ARRB1: variants seen among roughly 807,000 people sequenced by gnomAD.
The protein encoded by ARRB1 is beta-arrestin-1.
A neutral mutation model predicts 56.8 loss-of-function variants in ARRB1; 21 were observed. The ratio of observed to expected loss-of-function variants is 0.37; its 90% CI spans 0.26 to 0.53. The LOEUF is 0.53. ARRB1 is among the 20% of genes least tolerant of loss of function. The pLI is 0.88. For missense variants in ARRB1, 424 were observed against 553.7 expected, an observed-to-expected ratio of 0.77 and a Z score of 2.35; for synonymous variants, 210 against 218.6, an observed-to-expected ratio of 0.96 and a Z score of 0.35.
chr11:75,289,806 GA>G (rs943037412), intron 2 of ARRB1, among the ~76,000 whole-genome samples: 2 of 152,328 alleles, frequency 1.3e-5, no homozygotes, highest in African/African-American at 4.8e-5. Flanking sequence ...TCCCCACTCT[GA>G]AAGTTTCCTG....
intron 1 of ARRB1, among the ~76,000 whole-genome samples, chr11:75,329,094 T>A (rs1407742622): frequency 6.7e-6 from 1 of 149,108 alleles, no homozygotes; most frequent in Non-Finnish European, 1.5e-5. Flanking sequence ...GTAACTTTTT[T>A]TTTTTTTTTT....
At chr11:75,306,369 C>T (rs921409111) in intron 1 of ARRB1, among the ~76,000 whole-genome samples, 14 of 152,168 alleles carry the variant, frequency 9.2e-5, no homozygotes, top group African/African-American at 3.4e-4. Context: ...TAGACAAGTC[C>T]CAAACAGCCT....
intron 1 of ARRB1, among the ~76,000 whole-genome samples, chr11:75,301,389 C>T (rs1379597436): frequency 6.6e-6 from 1 of 152,220 alleles, no homozygotes; most frequent in African/African-American, 2.4e-5. Flanking sequence ...CACGGAGCAC[C>T]TCTATGTGAG....
In ARRB1 at chr11:75,287,334, G is replaced by T. The variant is rs768558924; in HGVS notation, c.93C>A (p.Ile31=). Reference sequence around the variant, plus strand: ...ACTCACCCACAGGGTCCACGAGGTCGATGTGGTCCACAAAGTCCCGCTTTC... The same window carrying T: ...ACTCACCCACAGGGTCCACGAGGTCTATGTGGTCCACAAAGTCCCGCTTTC... ...YLGKRDFVDH[I]DLVDPVDGVV... is the part of the protein sequence containing the mutation. Residue 31 remains isoleucine (I), a synonymous_variant, in exon 3 of 16, where the codon ATC becomes ATA. Coordinates refer to ENST00000420843, the MANE Select transcript of ARRB1 (RefSeq NM_004041.5). 6.4e-7 allele frequency: 1 copy of T among 1,558,824 alleles called. No homozygotes were observed. The highest frequency in any genetic ancestry group is 1.4e-5 in the African/African-American group (1 of 73,460).
At chr11:75,267,598 A>ACCCCCCCCCCCC in intron 15 of ARRB1, 54 bp downstream of exon 15, 2 of 1,419,700 alleles carry the variant, frequency 1.4e-6, no homozygotes, top group Non-Finnish European at 2.0e-6. Context: ...GACCCCCTCC[A>ACCCCCCCCCCCC]CCCCGCCCAC....
intron 11 of ARRB1, 91 bp from the exon 12 acceptor site, chr11:75,273,069 C>A: frequency 9.3e-7 from 1 of 1,075,296 alleles, no homozygotes; most frequent in South Asian, 1.3e-5. Context: ...AGTGGCCGTC[C>A]ATCCCCCATC....
intron 1 of ARRB1, among the ~76,000 whole-genome samples, chr11:75,346,669 C>A (rs572024753): frequency 6.6e-6 from 1 of 152,300 alleles, no homozygotes; most frequent in Admixed American, 6.5e-5. Flanking sequence ...GTGGGTCTGT[C>A]CCTGCTTCTT....
chr11:75,274,226 A>G lies in ARRB1; in HGVS notation c.777-15T>C, dbSNP rs1946141557. Reference sequence around the variant, plus strand: ...CCACAGTGTCACTGGGAAGAAAGGAAGCAGCTGTGGAGATGGCCCTCCCCA... The same window carrying G: ...CCACAGTGTCACTGGGAAGAAAGGAGGCAGCTGTGGAGATGGCCCTCCCCA... On this transcript the variant is annotated splice_polypyrimidine_tract_variant and intron_variant, in intron 10 of 15. Coordinates refer to ENST00000420843, the MANE Select transcript of ARRB1 (RefSeq NM_004041.5). The G allele has an allele frequency of 6.2e-7, 1 of 1,613,488 alleles. No individual in the cohort carries two copies. The highest frequency in any genetic ancestry group is 8.5e-7 in the Non-Finnish European group (1 of 1,179,610).
At chr11:75,331,578 T>G (rs985985650) in intron 1 of ARRB1, among the ~76,000 whole-genome samples, 1 of 151,778 alleles carries the variant, frequency 6.6e-6, no homozygotes, top group Non-Finnish European at 1.5e-5. Context: ...GCTCCCCCGC[T>G]GAACACCTTG....
At chr11:75,327,956 A>G (rs1159477183) in intron 1 of ARRB1, among the ~76,000 whole-genome samples, 1 of 152,214 alleles carries the variant, frequency 6.6e-6, no homozygotes, top group Non-Finnish European at 1.5e-5. Flanking sequence ...ATAAATAAAA[A>G]TAAAATAAAT....
chr11:75,279,858 G>A (rs917983581), intron 7 of ARRB1, among the ~76,000 whole-genome samples: 27 of 152,104 alleles, frequency 1.8e-4, no homozygotes, highest in African/African-American at 6.0e-4. Flanking sequence ...AATAGAGATG[G>A]GGTTTCACCA....
At chr11:75,317,428 A>G (rs1041472779) in intron 1 of ARRB1, among the ~76,000 whole-genome samples, 1 of 151,778 alleles carries the variant, frequency 6.6e-6, no homozygotes, top group Non-Finnish European at 1.5e-5. Context: ...CCCCGACGGC[A>G]TCCTCACCCC....
At position 75,260,806 on chromosome 11, in the gene ARRB1, T is replaced by C. The variant is rs956578356; in HGVS notation, c.*5357A>G. The C allele has an allele frequency of 1.3e-5, 2 of 152,118 alleles. No homozygotes were observed. Among genetic ancestry groups the C allele is most frequent in the African/African-American group, 2.4e-5 (1 of 41,406 alleles). The allele number at this position is 152,118 out of a possible 1,614,324, so 9.4% of individuals were successfully genotyped here. A position where few individuals can be genotyped will look rare whatever the true frequency, so the allele number is the denominator to read the frequency against. ...CCAGTTCTCACTAAAGTGTCCAGGATTCCTGGGGGAATCCTGCCCTCAAAG... is the reference window on the plus strand; with the variant it reads ...CCAGTTCTCACTAAAGTGTCCAGGACTCCTGGGGGAATCCTGCCCTCAAAG... On this transcript the variant is annotated 3_prime_UTR_variant, in exon 16 of 16. Transcript: ENST00000420843.
In ARRB1 at chr11:75,282,024, G is replaced by A. The variant is rs1213485993; in HGVS notation, c.355-3C>T. 2 of 1,614,094 alleles carry A rather than the reference G, an allele frequency of 1.2e-6. No individual in the cohort carries two copies. The highest frequency in any genetic ancestry group is 1.1e-5 in the South Asian group (1 of 91,078). On this transcript the variant is annotated splice_polypyrimidine_tract_variant and splice_region_variant and intron_variant, in intron 5 of 15. Transcript: ENST00000420843. Reference sequence around the variant, plus strand: ...GAACATGGAAGGTTTGGAGGGATCTGTCAAGAAGAGGACAGAACGAGCCAC... The same window carrying A: ...GAACATGGAAGGTTTGGAGGGATCTATCAAGAAGAGGACAGAACGAGCCAC...
At chr11:75,319,399 G>A (rs1030864342) in intron 1 of ARRB1, among the ~76,000 whole-genome samples, 1 of 152,168 alleles carries the variant, frequency 6.6e-6, no homozygotes, top group Non-Finnish European at 1.5e-5. Context: ...CAGATGAAAG[G>A]TTCCTCACAC....
At position 75,329,088 on chromosome 11, in the gene ARRB1, C is replaced by CTTTT. The variant is rs770989128; in HGVS notation, c.20+22496_20+22499dup. Among the ~76,000 whole-genome samples the CTTTT allele has an allele frequency of 5.8e-5, 6 of 103,668 alleles. No homozygotes were observed. In the South Asian group the frequency reaches 1.9e-3, roughly 32 times the overall value. 68.0% of individuals were successfully genotyped at this position (103,668 alleles called of 152,430 possible). ...GGGACCATTCCTTCCTGCTGTGTAA[C>CTTTT]TTTTTTTTTTTTTTTTTTTTTTTGA... On this transcript the variant is annotated intron_variant, in intron 1 of 15. Transcript: ENST00000420843.
In ARRB1 at chr11:75,264,180, T is replaced by C. The variant is rs543108971; in HGVS notation, c.*1983A>G. The C allele has an allele frequency of 6.6e-6, 1 of 152,220 alleles. No individual in the cohort carries two copies. The highest frequency in any genetic ancestry group is 1.9e-4 in the East Asian group (1 of 5,176). The allele number at this position is 152,220 out of a possible 1,614,324, so 9.4% of individuals were successfully genotyped here. On this transcript the variant is annotated 3_prime_UTR_variant, in exon 16 of 16. Coordinates refer to ENST00000420843, the MANE Select transcript of ARRB1 (RefSeq NM_004041.5). ...CTGGGGAGGGGTCCCTTGGGTTGAG[T>C]GGTCATGAGACTCAGAAGTCGCGCT...
intron 1 of ARRB1, among the ~76,000 whole-genome samples, chr11:75,295,028 A>T (rs565052304): frequency 6.6e-6 from 1 of 152,158 alleles, no homozygotes; most frequent in South Asian, 2.1e-4. Flanking sequence ...ATTCAAGACC[A>T]ATGTGGGCAA....
intron 11 of ARRB1, 101 bp downstream of exon 11, chr11:75,273,973 G>A: frequency 6.5e-7 from 1 of 1,550,130 alleles, no homozygotes; most frequent in Non-Finnish European, 8.8e-7. Context: ...CTATGGAGAG[G>A]GTAGCCTGAG....
Sources: gnomAD v4.1 joint callset for allele counts (sites outside exome capture counted in the v4.1 genomes callset) on GRCh38, gnomAD v4.1.1 for gene constraint, MANE v1.5 for transcripts, NCBI Gene and HGNC (gene_info 2026-07-23, HGNC 2026-07-21) for gene names.